RND2: variants seen among roughly 807,000 people sequenced by gnomAD.
RND2 encodes the protein Rho family GTPase 2, also known as rho-related GTP-binding protein RhoN.
RND2 carries 16 observed loss-of-function variants against 25.9 expected under a neutral mutation model. The ratio of observed to expected loss-of-function variants is 0.62; its 90% CI spans 0.42 to 0.94. The LOEUF is 0.94. RND2 is among the 40% of genes least tolerant of loss of function. The pLI is 0.00. For missense variants in RND2, 276 were observed against 305.5 expected (o/e 0.90, Z 0.72); for synonymous variants, 97 against 118.1 (o/e 0.82, Z 1.16).
In RND2 at chr17:43,028,562, T is replaced by C. The variant is rs748988130; in HGVS notation, c.566T>C (p.Leu189Pro). ...VASLGRGHRQ[L>P]RRTDSRRGMQ... ...TCCCTTGGCCGTGGCCATAGGCAGC[T>C]GCGCCGAACTGACTCACGCCGGGGA... Residue 189 changes from leucine to proline, a missense_variant, in exon 5 of 5, where the codon CTG becomes CCG. By Grantham distance (98) the Leu-to-Pro change is moderately conservative. Coordinates refer to ENST00000587250, the MANE Select transcript of RND2 (RefSeq NM_005440.5). 4 of 1,614,072 alleles carry C rather than the reference T, an allele frequency of 2.5e-6. No homozygotes were observed. The highest frequency in any genetic ancestry group is 3.4e-6 in the Non-Finnish European group (4 of 1,180,046).
In RND2 at chr17:43,028,528, AC is replaced by A; in HGVS notation, c.533del (p.Thr178LysfsTer59). Reference protein sequence around the residue: ...RSVRDVFHVATVASLGRGHRQ... With the variant: ...RSVRDVFHVAXVASLGRGHRQ... Reference sequence around the variant, plus strand: ...CGTCAGGGATGTCTTCCATGTGGCTACAGTGGCCTCCCTTGGCCGTGGCCAT... The same window carrying A: ...CGTCAGGGATGTCTTCCATGTGGCTAAGTGGCCTCCCTTGGCCGTGGCCAT... On this transcript the variant is annotated frameshift_variant, in exon 5 of 5. Coordinates refer to ENST00000587250, the MANE Select transcript of RND2 (RefSeq NM_005440.5). LOFTEE classifies it high-confidence loss of function. 6.2e-7 allele frequency: 1 copy of A among 1,614,200 alleles called. No individual in the cohort carries two copies. The highest frequency in any genetic ancestry group is 1.1e-5 in the South Asian group (1 of 91,084).
At chr17:43,027,546 C>T (rs2050633615) in intron 3 of RND2, among the ~76,000 whole-genome samples, 1 of 152,144 alleles carries the variant, frequency 6.6e-6, no homozygotes, top group Non-Finnish European at 1.5e-5. Context: ...TCACAGGATT[C>T]CTTCTCTGCT....
In RND2 at chr17:43,031,822, T is replaced by TGA. The variant is rs1005872543; in HGVS notation, c.*3144_*3145dup. On this transcript the variant is annotated 3_prime_UTR_variant, in exon 5 of 5. Coordinates refer to ENST00000587250, the MANE Select transcript of RND2 (RefSeq NM_005440.5). Reference sequence around the variant, plus strand: ...ATTTCTGGGGAGGAGGGCTCTGGGCTGAGGAGCTCAGTGGGTGGGAGGAGG... The same window carrying TGA: ...ATTTCTGGGGAGGAGGGCTCTGGGCTGAGAGGAGCTCAGTGGGTGGGAGGAGG... 6 of 152,242 alleles carry TGA rather than the reference T, an allele frequency of 3.9e-5. No homozygotes were observed. In the East Asian group the frequency reaches 5.8e-4, roughly 15 times the overall value. 9.4% of individuals were successfully genotyped at this position (152,242 alleles called of 1,614,324 possible).
At chr17:43,028,373 C>G in intron 4 of RND2, 59 bp from the exon 5 acceptor site, 1 of 1,597,962 alleles carries the variant, frequency 6.3e-7, no homozygotes, top group East Asian at 2.2e-5. Flanking sequence ...CTCCATGCCC[C>G]TTTCTAAGCT....
rs750166356 is a variant in RND2, at chr17:43,027,209, C to T, written c.217C>T (p.Pro73Ser). 1 of 1,610,496 alleles carries T rather than the reference C, an allele frequency of 6.2e-7. No homozygotes were observed. The highest frequency in any genetic ancestry group is 2.2e-5 in the East Asian group (1 of 44,646). Residue 73 changes from proline to serine, a missense_variant, in exon 3 of 5, where the codon CCT becomes TCT. Pro to Ser is a moderately conservative substitution (Grantham distance 74). Transcript: ENST00000587250. The stretch of plus-strand genomic sequence containing the variant: ...TTCCTCTTACTATGATAATGTCCGG[C>T]CTCTGGCCTATCCTGATTCTGATGC... ...SGSSYYDNVR[P>S]LAYPDSDAVL...
chr17:43,026,635 C>G (rs1035992679), intron 2 of RND2, among the ~76,000 whole-genome samples: 1 of 152,078 alleles, frequency 6.6e-6, no homozygotes, highest in Non-Finnish European at 1.5e-5. Context: ...AGCGATAGAG[C>G]GAGACTCCAT....
chr17:43,026,120 A>T, intron 2 of RND2, 73 bp downstream of exon 2: 1 of 1,024,694 alleles, frequency 9.8e-7, no homozygotes, highest in African/African-American at 1.6e-5. Flanking sequence ...TTAGACCCTT[A>T]GGTTCCAGGT....
intron 3 of RND2, 144 bp downstream of exon 3, chr17:43,027,436 C>T (rs891300805): frequency 1.6e-5 from 9 of 575,952 alleles, no homozygotes; most frequent in Non-Finnish European, 2.8e-5. Flanking sequence ...CCCTGCCACC[C>T]CTGCCTCCAG....
chr17:43,025,916 GGACTT>G (rs1567749553), intron 1 of RND2, 39 bp from the exon 2 acceptor site: 1 of 1,460,256 alleles, frequency 6.8e-7, no homozygotes, highest in South Asian at 1.1e-5. Flanking sequence ...TCTGGGGTGA[GGACTT>G]GGAGAGATGA....
Position 43,029,823 on chromosome 17 carries a change from G to A in RND2, c.*1143G>A, listed in dbSNP as rs2050657690. 1 of 146,292 alleles carries A rather than the reference G, an allele frequency of 6.8e-6. No individual in the cohort carries two copies. The highest frequency in any genetic ancestry group is 7.0e-5 in the Admixed American group (1 of 14,224). 9.1% of individuals were successfully genotyped at this position (146,292 alleles called of 1,614,324 possible). Reference sequence around the variant, plus strand: ...GCAGGAGAATGGTGTGAACCCGGGTGAACCTGGGAGGCGGAGCTTGCAGTG... The same window carrying A: ...GCAGGAGAATGGTGTGAACCCGGGTAAACCTGGGAGGCGGAGCTTGCAGTG... On this transcript the variant is annotated 3_prime_UTR_variant, in exon 5 of 5. Coordinates refer to ENST00000587250, the MANE Select transcript of RND2 (RefSeq NM_005440.5).
At position 43,030,161 on chromosome 17, in the gene RND2, G is replaced by A. The variant is rs554920016; in HGVS notation, c.*1481G>A. On this transcript the variant is annotated 3_prime_UTR_variant, in exon 5 of 5. Coordinates refer to ENST00000587250, the MANE Select transcript of RND2 (RefSeq NM_005440.5). Reference sequence around the variant, plus strand: ...GAGGACGGCTGAGCGCCTGTTGTCAGGAAAGACAGTACTGGTCTGTTTTCT... The same window carrying A: ...GAGGACGGCTGAGCGCCTGTTGTCAAGAAAGACAGTACTGGTCTGTTTTCT... 5.2e-5 allele frequency: 8 copies of A among 152,644 alleles called. No individual in the cohort carries two copies. In the East Asian group the frequency reaches 1.5e-3, roughly 30 times the overall value. The allele number at this position is 152,644 out of a possible 1,614,324, so 9.5% of individuals were successfully genotyped here. A position where few individuals can be genotyped will look rare whatever the true frequency, so the allele number is the denominator to read the frequency against.
rs1259274661 is a variant in RND2 at position 43,029,093 on chromosome 17, T to A, written c.*413T>A. 9.6e-6 allele frequency: 2 copies of A among 209,274 alleles called. No homozygotes were observed. The highest frequency in any genetic ancestry group is 2.0e-5 in the Non-Finnish European group (2 of 102,074). 13.0% of individuals were successfully genotyped at this position (209,274 alleles called of 1,614,324 possible). On this transcript the variant is annotated 3_prime_UTR_variant, in exon 5 of 5. Coordinates refer to ENST00000587250, the MANE Select transcript of RND2 (RefSeq NM_005440.5). ...TCCTCTCCTCTCACTTCTGCAGCTA[T>A]TCTCACACATCTAACCTCTAGGCAA...
At chr17:43,027,631 G>C (rs778206976) in intron 3 of RND2, among the ~76,000 whole-genome samples, 53 of 152,042 alleles carry the variant, frequency 3.5e-4, no homozygotes, top group Non-Finnish European at 7.1e-4. Flanking sequence ...GCTCAGGAAA[G>C]CCCTGTGGCC....
chr17:43,025,820 C>T (rs1422895593), intron 1 of RND2, 140 bp from the exon 2 acceptor site: 1 of 269,890 alleles, frequency 3.7e-6, no homozygotes, highest in South Asian at 5.4e-5. Context: ...GGCAGGAGCT[C>T]CCGGGATCTC....
rs1157592512 is a variant in RND2 at position 43,031,003 on chromosome 17, A to T, written c.*2323A>T. ...GCTCACACCTATAATCCCAGCCAAG[A>T]TTCCTCCTTTGGGAGGCCAAGCTGG... is the stretch of plus-strand genomic sequence containing the variant. On this transcript the variant is annotated 3_prime_UTR_variant, in exon 5 of 5. Transcript: ENST00000587250. 1 of 152,166 alleles carries T rather than the reference A, an allele frequency of 6.6e-6. No homozygotes were observed. The highest frequency in any genetic ancestry group is 1.9e-4 in the East Asian group (1 of 5,194). The allele number at this position is 152,166 out of a possible 1,614,324, so 9.4% of individuals were successfully genotyped here. A position where few individuals can be genotyped will look rare whatever the true frequency, so the allele number is the denominator to read the frequency against.
rs1007421144 is a variant in RND2 at position 43,027,945 on chromosome 17, G to A, written c.301-116G>A. 8.9e-6 allele frequency: 11 copies of A among 1,236,134 alleles called. No individual in the cohort carries two copies. The African/African-American group carries it at 1.3e-4, about 15-fold the overall frequency. The allele number at this position is 1,236,134 out of a possible 1,614,324, so 76.6% of individuals were successfully genotyped here. ...CCTTCCTCATGTGGGAGAGTCCTGA[G>A]GGATACATGGTTTCTGCGTGCTTGA... is the stretch of plus-strand genomic sequence containing the variant. On this transcript the variant is annotated intron_variant, in intron 3 of 4. Transcript: ENST00000587250.
intron 2 of RND2, among the ~76,000 whole-genome samples, chr17:43,026,531 T>G (rs1014294609): frequency 6.6e-6 from 1 of 152,110 alleles, no homozygotes; most frequent in Non-Finnish European, 1.5e-5. Flanking sequence ...GTGCCTGTAA[T>G]CTCAGCTACC....
Position 43,028,887 on chromosome 17 carries a change from A to T in RND2, c.*207A>T. The T allele has an allele frequency of 1.4e-6, 1 of 732,902 alleles. No homozygotes were observed. The highest frequency in any genetic ancestry group is 1.9e-5 in the South Asian group (1 of 52,526). The allele number at this position is 732,902 out of a possible 1,614,324, so 45.4% of individuals were successfully genotyped here. A position where few individuals can be genotyped will look rare whatever the true frequency, so the allele number is the denominator to read the frequency against. On this transcript the variant is annotated 3_prime_UTR_variant, in exon 5 of 5. Coordinates refer to ENST00000587250, the MANE Select transcript of RND2 (RefSeq NM_005440.5). ...CCTCTTCTCCAGTGGATGTTGAGGG[A>T]GCTAACAGGGCTGGCATCTGGGGCA...
rs1022885201 is a variant in RND2 at position 43,031,383 on chromosome 17, T to G, written c.*2703T>G. The G allele has an allele frequency of 5.9e-5, 9 of 152,202 alleles. No homozygotes were observed. Among genetic ancestry groups the G allele is most frequent in the African/African-American group, 2.2e-4 (9 of 41,450 alleles). The allele number at this position is 152,202 out of a possible 1,614,324, so 9.4% of individuals were successfully genotyped here. A position where few individuals can be genotyped will look rare whatever the true frequency, so the allele number is the denominator to read the frequency against. On this transcript the variant is annotated 3_prime_UTR_variant, in exon 5 of 5. Transcript: ENST00000587250. Reference sequence around the variant, plus strand: ...TGGTTAGGGACTGACTCAAAGACCCTGAGTCCTCGGCTAAGGGTACAGGAG... The same window carrying G: ...TGGTTAGGGACTGACTCAAAGACCCGGAGTCCTCGGCTAAGGGTACAGGAG...
Sources: allele counts gnomAD v4.1 joint callset (sites outside exome capture counted in the v4.1 genomes callset), GRCh38; gene constraint gnomAD v4.1.1; transcripts MANE v1.5; gene names NCBI Gene and HGNC (gene_info 2026-07-23, HGNC 2026-07-21).